Variants in DHX30 observed in about 807,000 individuals in gnomAD.
DHX30 encodes DExH-box helicase 30, also known as ATP-dependent RNA helicase DHX30.
In DHX30, 4 loss-of-function variants were observed where a neutral mutation model predicts 116.9. The ratio of observed to expected loss-of-function variants is 0.03; its 90% CI spans 0.02 to 0.08. The LOEUF (loss-of-function observed/expected upper bound fraction) is 0.08. DHX30 is among the 10% of genes least tolerant of loss of function. The probability of loss-of-function intolerance (pLI) is 1.00; values close to 1 mark genes in which losing one functional copy is unlikely to be tolerated. For missense variants in DHX30, 871 were observed against 1,595.1 expected (o/e 0.55, Z 7.73); for synonymous variants, 697 against 651.7 (o/e 1.07, Z -1.06).
chr3:47,819,279 G>A (rs376850115), intron 4 of DHX30: 1 of 1,367,690 alleles, frequency 7.3e-7, no homozygotes, highest in Non-Finnish European at 9.8e-7. Context: ...GTGGCTCTGA[G>A]AGTGTCAGAT....
intron 3 of DHX30, 92 bp downstream of exon 3, chr3:47,810,803 T>C: frequency 1.5e-6 from 2 of 1,309,890 alleles, no homozygotes; most frequent in East Asian, 2.3e-5. Flanking sequence ...AGTATGTAGT[T>C]CTTGCACATT....
At chr3:47,823,501 C>G (rs1282078238) in intron 4 of DHX30, among the ~76,000 whole-genome samples, 5 of 151,492 alleles carry the variant, frequency 3.3e-5, no homozygotes, top group Admixed American at 6.6e-5. Context: ...GTAGCTGGGA[C>G]TACAGGCGCG....
intron 6 of DHX30, among the ~76,000 whole-genome samples, chr3:47,835,328 G>A (rs1190024029): frequency 3.9e-5 from 6 of 152,044 alleles, no homozygotes; most frequent in Non-Finnish European, 8.8e-5. Flanking sequence ...GTGCCACCAC[G>A]CCTGGAATTT....
At chr3:47,834,672 C>T (rs938049545) in intron 6 of DHX30, among the ~76,000 whole-genome samples, 1 of 152,072 alleles carries the variant, frequency 6.6e-6, no homozygotes, top group East Asian at 1.9e-4. Context: ...GTTGCCCAGA[C>T]TGGTCTTGAA....
Position 47,803,187 on chromosome 3 carries a change from G to A in DHX30, c.-148G>A. ...CCGCGGCTCATGCGCGGTGCACAGAGGCTTGTTTCACATCTGTAACAACAG... is the reference window on the plus strand; with the variant it reads ...CCGCGGCTCATGCGCGGTGCACAGAAGCTTGTTTCACATCTGTAACAACAG... On this transcript the variant is annotated 5_prime_UTR_variant, in exon 1 of 22. Transcript: ENST00000445061. 1 of 393,994 alleles carries A rather than the reference G, an allele frequency of 2.5e-6. No individual in the cohort carries two copies. The highest frequency in any genetic ancestry group is 4.4e-5 in the Admixed American group (1 of 22,550). 24.4% of individuals were successfully genotyped at this position (393,994 alleles called of 1,614,324 possible).
chr3:47,821,712 TC>T (rs1440861482), intron 4 of DHX30, among the ~76,000 whole-genome samples: 1 of 152,150 alleles, frequency 6.6e-6, no homozygotes, highest in Admixed American at 6.5e-5. Flanking sequence ...TTCTCCTGCC[TC>T]GGCCTCTTGA....
intron 4 of DHX30, among the ~76,000 whole-genome samples, chr3:47,824,171 T>A (rs1297137480): frequency 6.6e-6 from 1 of 151,746 alleles, no homozygotes; most frequent in Non-Finnish European, 1.5e-5. Context: ...CCCGGCTAAT[T>A]TTTGTATTTT....
At chr3:47,829,756 G>A (rs529250076) in intron 6 of DHX30, among the ~76,000 whole-genome samples, 1 of 152,172 alleles carries the variant, frequency 6.6e-6, no homozygotes, top group East Asian at 1.9e-4. Flanking sequence ...TTCCATGTTG[G>A]TTTCTGTTTT....
At chr3:47,822,824 T>C (rs1202399417) in intron 4 of DHX30, among the ~76,000 whole-genome samples, 1 of 151,498 alleles carries the variant, frequency 6.6e-6, no homozygotes, top group Admixed American at 6.6e-5. Flanking sequence ...CCAGGCGCAG[T>C]GGCCCACGCC....
At chr3:47,839,971 G>A (rs563331757) in intron 6 of DHX30, among the ~76,000 whole-genome samples, 22 of 151,220 alleles carry the variant, frequency 1.5e-4, no homozygotes, top group Middle Eastern at 6.8e-3. Context: ...CACTGTGCCC[G>A]TCTGGCTACG....
At chr3:47,816,360 T>TTC (rs2036056777) in intron 3 of DHX30, 1 of 927,002 alleles carries the variant, frequency 1.1e-6, no homozygotes, top group African/African-American at 1.8e-5. Context: ...CGTCTTCTTT[T>TTC]TTTTTTTTTT....
At chr3:47,810,602 T>C in intron 2 of DHX30, 55 bp from the exon 3 acceptor site, 6 of 1,421,476 alleles carry the variant, frequency 4.2e-6, no homozygotes, top group Non-Finnish European at 6.0e-6. Context: ...GTCTTCTTTG[T>C]GGGTTGCTGG....
intron 2 of DHX30, among the ~76,000 whole-genome samples, chr3:47,806,393 C>G (rs2035524461): frequency 6.6e-6 from 1 of 151,640 alleles, no homozygotes; most frequent in South Asian, 2.1e-4. Context: ...CTGCCTGCCT[C>G]TGCCTCCGAA....
intron 3 of DHX30, among the ~76,000 whole-genome samples, chr3:47,812,161 G>A (rs763391211): frequency 4.7e-5 from 7 of 150,468 alleles, no homozygotes; most frequent in South Asian, 2.1e-4. Context: ...CCTGGGAGAC[G>A]GGTTGCAGTG....
chr3:47,841,525 C>G, intron 7 of DHX30, 92 bp from the exon 8 acceptor site: 2 of 1,553,668 alleles, frequency 1.3e-6, no homozygotes, highest in Non-Finnish European at 1.7e-6. Context: ...CTCCCTGCTG[C>G]AGCGCAGCGT....
At chr3:47,811,073 C>T (rs190614128) in intron 3 of DHX30, among the ~76,000 whole-genome samples, 148 of 152,164 alleles carry the variant, frequency 9.7e-4, no homozygotes, top group Admixed American at 2.2e-3. Flanking sequence ...CCTCAGCCTC[C>T]GTAGTAGCTG....
chr3:47,843,401 C>T lies in DHX30; in HGVS notation c.939+146C>T, dbSNP rs532160443. The stretch of plus-strand genomic sequence containing the variant: ...ACAAAGACAGCTGGTATGCAGGCCT[C>T]GCTTGTAGGCCCTGTGGCTGTTGCC... On this transcript the variant is annotated intron_variant, in intron 9 of 21. Transcript: ENST00000445061. 105 of 1,100,032 alleles carry T rather than the reference C, an allele frequency of 9.5e-5. No homozygotes were observed. In the Middle Eastern group the frequency reaches 1.2e-3, roughly 13 times the overall value. The allele number at this position is 1,100,032 out of a possible 1,614,324, so 68.1% of individuals were successfully genotyped here.
intron 6 of DHX30, among the ~76,000 whole-genome samples, chr3:47,836,610 C>T (rs2037128804): frequency 6.6e-6 from 1 of 152,048 alleles, no homozygotes; most frequent in Non-Finnish European, 1.5e-5. Context: ...CGTTCACGTC[C>T]TGGGTTTAAG....
At chr3:47,835,629 A>G (rs1351564820) in intron 6 of DHX30, among the ~76,000 whole-genome samples, 1 of 150,048 alleles carries the variant, frequency 6.7e-6, no homozygotes, top group Admixed American at 6.7e-5. Flanking sequence ...TTTAGTAGAG[A>G]TGGGGTTTCA....
Sources: gnomAD v4.1 joint callset for allele counts (sites outside exome capture counted in the v4.1 genomes callset) on GRCh38, gnomAD v4.1.1 for gene constraint, MANE v1.5 for transcripts, NCBI Gene and HGNC (gene_info 2026-07-23, HGNC 2026-07-21) for gene names.